TRPM8: variants seen among roughly 807,000 people sequenced by gnomAD.
The protein encoded by TRPM8 is TRPM8 cationic channel.
Under a neutral mutation model 133.7 loss-of-function variants are expected in TRPM8, and 110 were observed. The observed-to-expected ratio is 0.82, with a 90% confidence interval of 0.70 to 0.96. The LOEUF (loss-of-function observed/expected upper bound fraction) is 0.96. Among genes scored for constraint, TRPM8 ranks in the 40% least tolerant of loss-of-function variants. The pLI is 0.00. For missense variants in TRPM8, 1,291 were observed against 1,379.5 expected (o/e 0.94, Z 1.02); for synonymous variants, 535 against 532.3 (o/e 1.01, Z -0.07).
intron 14 of TRPM8, chr2:233,966,233 G>A: frequency 5.4e-6 from 1 of 184,644 alleles, no homozygotes. Flanking sequence ...GGGCTGCTCT[G>A]ATTACGGGGG....
At chr2:233,950,779 C>G (rs11563216) in intron 9 of TRPM8, among the ~76,000 whole-genome samples, 56,599 of 152,120 alleles carry the variant, frequency 0.37, 16,546 homozygotes, top group African/African-American at 0.78. Context: ...TGACCAGGTG[C>G]CTAATTCTGA....
intron 11 of TRPM8, among the ~76,000 whole-genome samples, chr2:233,960,085 T>G (rs531961739): frequency 6.6e-6 from 1 of 152,114 alleles, no homozygotes; most frequent in Non-Finnish European, 1.5e-5. Flanking sequence ...TAAGTTCCTA[T>G]GGGCTAAGTT....
chr2:233,965,077 G>A (rs1691534641), intron 14 of TRPM8, among the ~76,000 whole-genome samples: 1 of 150,410 alleles, frequency 6.6e-6, no homozygotes. Context: ...GTTTCTGGAT[G>A]CCGTTACAAC....
intron 17 of TRPM8, among the ~76,000 whole-genome samples, chr2:233,977,079 G>C (rs1378629735): frequency 6.6e-6 from 1 of 152,056 alleles, no homozygotes; most frequent in African/African-American, 2.4e-5. Context: ...ATGCTCTTCC[G>C]TGTGTACCTG....
intron 21 of TRPM8, among the ~76,000 whole-genome samples, chr2:233,991,958 C>T (rs1241828875): frequency 6.6e-6 from 1 of 152,128 alleles, no homozygotes; most frequent in Non-Finnish European, 1.5e-5. Context: ...GGGAATTTGG[C>T]ATCTTACTAT....
intron 17 of TRPM8, among the ~76,000 whole-genome samples, chr2:233,972,809 G>A (rs373018511): frequency 1.3e-5 from 2 of 152,152 alleles, no homozygotes; most frequent in African/African-American, 2.4e-5. Context: ...CATCTGGCCC[G>A]CAAGCTCCAC....
intron 24 of TRPM8, among the ~76,000 whole-genome samples, chr2:234,012,671 C>T (rs17864779): frequency 0.2 from 30,994 of 151,452 alleles, 3,353 homozygotes; most frequent in Middle Eastern, 0.3. Context: ...GAATGGGCAT[C>T]CTTGCCTTAT....
chr2:233,931,634 C>T (rs1326060895), intron 3 of TRPM8, among the ~76,000 whole-genome samples: 1 of 152,172 alleles, frequency 6.6e-6, no homozygotes, highest in Non-Finnish European at 1.5e-5. Context: ...CAAAAGTATA[C>T]CTCATGGGTT....
chr2:234,007,981 A>G, intron 23 of TRPM8, 89 bp from the exon 24 acceptor site: 1 of 1,261,670 alleles, frequency 7.9e-7, no homozygotes, highest in Non-Finnish European at 1.1e-6. Flanking sequence ...TCTGTACTTT[A>G]ATTTAAAAGA....
At chr2:233,932,637 G>A (rs1323616445) in intron 3 of TRPM8, among the ~76,000 whole-genome samples, 1 of 152,072 alleles carries the variant, frequency 6.6e-6, no homozygotes, top group Non-Finnish European at 1.5e-5. Context: ...TACAGCTCAA[G>A]TCTGGGTCAA....
At chr2:234,014,821 T>C (rs1468818742) in intron 25 of TRPM8, 167 bp downstream of exon 25, 1 of 414,278 alleles carries the variant, frequency 2.4e-6, no homozygotes, top group African/African-American at 2.1e-5. Flanking sequence ...AAGAACAAGT[T>C]GAAGTTCCTC....
chr2:233,937,485 T>G lies in TRPM8; in HGVS notation c.324T>G (p.Phe108Leu). 6.2e-7 allele frequency: 1 copy of G among 1,613,720 alleles called. No homozygotes were observed. Among genetic ancestry groups the G allele is most frequent in the South Asian group, 1.1e-5 (1 of 90,888 alleles). Residue 108 changes from phenylalanine to leucine, a missense_variant, in exon 4 of 26, where the codon TTT (phenylalanine) becomes TTG (leucine). Transcript: ENST00000324695. ...FPTDAFGDIQ[F>L]ETLGKKGKYI... ...CCGACGCCTTTGGGGATATTCAGTTTGAGACACTGGGGAAGAAAGGGAAGG... is the reference window on the plus strand; with the variant it reads ...CCGACGCCTTTGGGGATATTCAGTTGGAGACACTGGGGAAGAAAGGGAAGG...
intron 24 of TRPM8, among the ~76,000 whole-genome samples, chr2:234,008,684 G>A (rs1336929410): frequency 1.3e-5 from 2 of 152,180 alleles, no homozygotes; most frequent in Non-Finnish European, 2.9e-5. Flanking sequence ...GTTTGAGAAT[G>A]GCATCCCGGA....
At chr2:233,974,756 C>T (rs945586856) in intron 17 of TRPM8, among the ~76,000 whole-genome samples, 7 of 152,286 alleles carry the variant, frequency 4.6e-5, no homozygotes, top group Admixed American at 1.3e-4. Context: ...ACTGGAGCAG[C>T]ACACTGCATG....
chr2:233,974,450 T>G (rs187883226), intron 17 of TRPM8, among the ~76,000 whole-genome samples: 1 of 152,172 alleles, frequency 6.6e-6, no homozygotes, highest in Non-Finnish European at 1.5e-5. Context: ...GCCAGGATGG[T>G]CTCAATCTCT....
rs1692050506 is a variant in TRPM8, at chr2:233,983,058, CGA to C, written c.2596_2597del (p.Asp866CysfsTer24). The C allele has an allele frequency of 6.2e-7, 1 of 1,612,078 alleles. No homozygotes were observed. Among genetic ancestry groups the C allele is most frequent in the African/African-American group, 1.3e-5 (1 of 75,004 alleles). ...CTCCTGTCCTCCCCTGACAGCTGAT[CGA>C]TGTGTTCTTCTTCCTGTTCCTCTTT... is the stretch of plus-strand genomic sequence containing the variant. The part of the protein sequence containing the change: ...KIIMLQRMLI[D>X]VFFFLFLFAV... On this transcript the variant is annotated frameshift_variant, in exon 20 of 26. Transcript: ENST00000324695. LOFTEE classifies it high-confidence loss of function.
chr2:233,960,890 C>T lies in TRPM8; in HGVS notation c.1477C>T (p.Leu493Phe), dbSNP rs201464095. The change falls in exon 12 of 26, where the codon CTC becomes TTC. Residue 493 changes from leucine (L) to phenylalanine (F), a missense_variant. Physicochemically the swap from Leu to Phe is conservative, Grantham distance 22. Around this residue, in one of 2 missense-constraint regions of TRPM8, gnomAD observed 963 missense variants for 968.9 expected, o/e 0.99. Coordinates refer to ENST00000324695, the MANE Select transcript of TRPM8 (RefSeq NM_024080.5). Reference sequence around the variant, plus strand: ...ACGGAAGTTTCTCACCCATGATGTCCTCACTGAACTCTTCTCCAACCACTT... The same window carrying T: ...ACGGAAGTTTCTCACCCATGATGTCTTCACTGAACTCTTCTCCAACCACTT... Reference protein sequence around the residue: ...NLRKFLTHDVLTELFSNHFST... With the variant: ...NLRKFLTHDVFTELFSNHFST... 8.1e-6 allele frequency: 13 copies of T among 1,614,210 alleles called. No homozygotes were observed. Among genetic ancestry groups the T allele is most frequent in the Non-Finnish European group, 1.1e-5 (13 of 1,180,044 alleles).
chr2:233,946,277 G>T, intron 7 of TRPM8: 1 of 389,438 alleles, frequency 2.6e-6, no homozygotes, highest in Non-Finnish European at 4.7e-6. Flanking sequence ...TTCCATTGTG[G>T]TTTGTTAGTA....
At chr2:233,942,801 G>T (rs768430631) in intron 6 of TRPM8, 53 bp downstream of exon 6, 11 of 1,606,228 alleles carry the variant, frequency 6.8e-6, no homozygotes, top group Non-Finnish European at 9.4e-6. Flanking sequence ...AAAGACCATG[G>T]CATGGGCCTG....
Sources: gnomAD v4.1 joint callset for allele counts (sites outside exome capture counted in the v4.1 genomes callset) on GRCh38, gnomAD v4.1.1 for gene constraint, gnomAD v4.1.1 regional missense constraint, MANE v1.5 for transcripts, NCBI Gene and HGNC (gene_info 2026-07-23, HGNC 2026-07-21) for gene names.